The following LARS2 variants were observed in gnomAD, a reference collection of about 807,000 sequenced individuals.
LARS2 encodes leucine--tRNA ligase, mitochondrial.
A neutral mutation model predicts 116.6 loss-of-function variants in LARS2; 81 were observed. The ratio of observed to expected loss-of-function variants is 0.69; its 90% confidence interval spans 0.58 to 0.84. The LOEUF (loss-of-function observed/expected upper bound fraction) is 0.84. Ranked by LOEUF, LARS2 falls within the 40% of genes least tolerant of loss-of-function variation. LARS2 has a pLI of 0.00. For missense variants in LARS2, 968 were observed against 1,114.5 expected (o/e 0.87, Z 1.87); for synonymous variants, 396 against 407.2 (o/e 0.97, Z 0.33).
chr3:45,437,298 C>G (rs981163305), intron 6 of LARS2, among the ~76,000 whole-genome samples: 1 of 152,172 alleles, frequency 6.6e-6, no homozygotes, highest in Non-Finnish European at 1.5e-5. Flanking sequence ...TGCTCATTTT[C>G]AGCCTAAAGT....
chr3:45,415,396 C>CTTTTT (rs1698396343), intron 4 of LARS2, among the ~76,000 whole-genome samples: 1 of 152,172 alleles, frequency 6.6e-6, no homozygotes, highest in African/African-American at 2.4e-5. Flanking sequence ...ATTCTCAGCA[C>CTTTTT]TTTTCTTAAC....
intron 17 of LARS2, among the ~76,000 whole-genome samples, chr3:45,516,990 T>C (rs1354930555): frequency 1.3e-5 from 2 of 152,256 alleles, no homozygotes; most frequent in Non-Finnish European, 2.9e-5. Flanking sequence ...GGAAGTCAGA[T>C]GCCTGGAAAC....
intron 14 of LARS2, among the ~76,000 whole-genome samples, chr3:45,498,624 G>A (rs938665545): frequency 2.0e-5 from 3 of 152,192 alleles, no homozygotes; most frequent in African/African-American, 7.2e-5. Context: ...TGGGGAAAAA[G>A]GTGGCTTGAG....
chr3:45,393,583 A>G (rs911875843), intron 2 of LARS2, among the ~76,000 whole-genome samples: 4 of 152,134 alleles, frequency 2.6e-5, no homozygotes, highest in African/African-American at 9.7e-5. Context: ...TCAAAAAAGA[A>G]AAAAAAACAG....
In LARS2 at chr3:45,514,580, A is replaced by G. The variant is rs148697248; in HGVS notation, c.1861+1345A>G. ...CAGTTAGTGAAGTGTTCTCTGTAAC[A>G]GGCAAGGCTGCCCATGTATAGCTGT... On this transcript the variant is annotated intron_variant, in intron 16 of 21. Transcript: ENST00000645846. Among the ~76,000 whole-genome samples the G allele has an allele frequency of 5.9e-5, 9 of 152,348 alleles. No homozygotes were observed. In the East Asian group the frequency reaches 1.5e-3, roughly 26 times the overall value.
intron 10 of LARS2, among the ~76,000 whole-genome samples, 198 bp downstream of exon 10, chr3:45,476,825 C>G (rs182864740): frequency 6.6e-5 from 10 of 152,278 alleles, no homozygotes; most frequent in Middle Eastern, 3.4e-3. Flanking sequence ...TCTGGTTTCT[C>G]CATGAGATAC....
chr3:45,388,937 C>T (rs1195834385), intron 1 of LARS2: 1 of 152,216 alleles, frequency 6.6e-6, no homozygotes, highest in Admixed American at 6.5e-5. Flanking sequence ...TACTCAAGCT[C>T]CCCTCTCCAC....
rs1700683586 is a variant in LARS2 at position 45,535,273 on chromosome 3, A to C, written c.2405-6556A>C. Among the ~76,000 whole-genome samples the C allele has an allele frequency of 2.0e-5, 3 of 151,906 alleles. 1 individual carries two copies. In the South Asian group the frequency reaches 6.2e-4, roughly 31 times the overall value. On this transcript the variant is annotated intron_variant, in intron 20 of 21. Coordinates refer to ENST00000645846, the MANE Select transcript of LARS2 (RefSeq NM_015340.4). ...TGGGCTGGGGCAGAAGAATCGCTTGAACCTGGGAGGTGGAGGTTGCAGTGA... is the reference window on the plus strand; with the variant it reads ...TGGGCTGGGGCAGAAGAATCGCTTGCACCTGGGAGGTGGAGGTTGCAGTGA...
At chr3:45,492,637 C>T (rs1357538911) in intron 13 of LARS2, among the ~76,000 whole-genome samples, 1 of 152,210 alleles carries the variant, frequency 6.6e-6, no homozygotes, top group Admixed American at 6.5e-5. Flanking sequence ...ACTGTCTAGC[C>T]TTGGGAAAGT....
At chr3:45,517,766 C>T (rs1700391073) in intron 17 of LARS2, 137 bp from the exon 18 acceptor site, 2 of 625,452 alleles carry the variant, frequency 3.2e-6, no homozygotes, top group Non-Finnish European at 2.7e-6. Flanking sequence ...ATCCTTCAGC[C>T]TGCCCTCAGA....
chr3:45,485,597 C>G, intron 10 of LARS2, 95 bp from the exon 11 acceptor site: 1 of 657,104 alleles, frequency 1.5e-6, no homozygotes, highest in South Asian at 2.2e-5. Context: ...CACAGAAGTT[C>G]TAGTGCTTAC....
chr3:45,496,044 A>G (rs1201748336), intron 13 of LARS2, among the ~76,000 whole-genome samples: 2 of 152,136 alleles, frequency 1.3e-5, no homozygotes, highest in Admixed American at 6.5e-5. Flanking sequence ...TATTTTTAGT[A>G]GAGATGGGGT....
rs146416850 is a variant in LARS2 at position 45,508,020 on chromosome 3, G to A, written c.1761-5115G>A. On this transcript the variant is annotated intron_variant, in intron 15 of 21. Coordinates refer to ENST00000645846, the MANE Select transcript of LARS2 (RefSeq NM_015340.4). ...CATTAGAGCGTGGGAACATGTCATG[G>A]CCCATCTTCACTGAATGAGATCAGG... is the stretch of plus-strand genomic sequence containing the variant. Among the ~76,000 whole-genome samples the A allele has an allele frequency of 1.4e-4, 21 of 152,126 alleles. No individual in the cohort carries two copies. The East Asian group carries it at 3.9e-3, about 28-fold the overall frequency.
At chr3:45,417,879 C>T (rs1698456457) in intron 5 of LARS2, among the ~76,000 whole-genome samples, 1 of 152,102 alleles carries the variant, frequency 6.6e-6, no homozygotes, top group Non-Finnish European at 1.5e-5. Flanking sequence ...AAGAGGGTCG[C>T]ATTTGTTAAA....
At chr3:45,442,368 G>A (rs761300957) in intron 6 of LARS2, among the ~76,000 whole-genome samples, 2 of 152,092 alleles carry the variant, frequency 1.3e-5, no homozygotes, top group African/African-American at 2.4e-5. Flanking sequence ...ATCTTTAAAC[G>A]TTTAGTTGTT....
At chr3:45,436,366 C>G (rs994439694) in intron 6 of LARS2, among the ~76,000 whole-genome samples, 1 of 149,466 alleles carries the variant, frequency 6.7e-6, no homozygotes, top group Non-Finnish European at 1.5e-5. Context: ...AAAACAAAAA[C>G]AGGGAACATT....
At chr3:45,408,972 A>C (rs898124949) in intron 4 of LARS2, among the ~76,000 whole-genome samples, 1 of 152,176 alleles carries the variant, frequency 6.6e-6, no homozygotes. Flanking sequence ...CAAAATTATC[A>C]TTAGTAGTCT....
At chr3:45,406,317 G>A (rs1698230883) in intron 4 of LARS2, among the ~76,000 whole-genome samples, 1 of 152,148 alleles carries the variant, frequency 6.6e-6, no homozygotes, top group African/African-American at 2.4e-5. Flanking sequence ...AAGGCAGGTT[G>A]CGATATAGTC....
chr3:45,485,853 A>G (rs905429448), intron 11 of LARS2, 57 bp downstream of exon 11: 19 of 1,032,548 alleles, frequency 1.8e-5, no homozygotes, highest in Non-Finnish European at 2.8e-5. Flanking sequence ...TAGAATCAAA[A>G]TACTCCCCTG....
Sources: gnomAD v4.1 joint callset for allele counts (sites outside exome capture counted in the v4.1 genomes callset) on GRCh38, gnomAD v4.1.1 for gene constraint, MANE v1.5 for transcripts, NCBI Gene and HGNC (gene_info 2026-07-23, HGNC 2026-07-21) for gene names.